The following MALRD1 variants were observed in gnomAD, a reference collection of about 807,000 sequenced individuals.
MALRD1 encodes the protein MAM and LDL receptor class A domain containing 1, also known as MAM and LDL-receptor class A domain-containing protein 1.
MALRD1 carries 247 observed loss-of-function variants against 242.1 expected under a neutral mutation model. The observed-to-expected ratio is 1.02, with a 90% CI of 0.92 to 1.13. MALRD1 has a LOEUF of 1.13. Ranked by LOEUF, MALRD1 falls within the 50% of genes most tolerant of loss-of-function variation. The pLI is 0.00. For missense variants in MALRD1, 2,989 were observed against 2,533.1 expected, an observed-to-expected ratio of 1.18 and a Z score of -3.86; for synonymous variants, 995 against 866.6, an observed-to-expected ratio of 1.15 and a Z score of -2.60.
intron 36 of MALRD1, among the ~76,000 whole-genome samples, chr10:19,632,773 A>G (rs1193195506): frequency 1.3e-5 from 2 of 152,192 alleles, no homozygotes; most frequent in South Asian, 2.1e-4. Context: ...ATTTTTACAT[A>G]TGTCTCATTT....
chr10:19,337,934 C>T (rs1009091328), intron 24 of MALRD1, among the ~76,000 whole-genome samples: 7 of 151,760 alleles, frequency 4.6e-5, no homozygotes, highest in African/African-American at 1.7e-4. Flanking sequence ...TGGTGACACA[C>T]ACTTGTAGTC....
chr10:19,448,869 T>C (rs1196816986), intron 28 of MALRD1, among the ~76,000 whole-genome samples: 1 of 152,014 alleles, frequency 6.6e-6, no homozygotes, highest in African/African-American at 2.4e-5. Context: ...GTTGTTAAAA[T>C]TATCACTTTT....
At chr10:19,638,130 A>G (rs975477059) in intron 36 of MALRD1, among the ~76,000 whole-genome samples, 4 of 142,626 alleles carry the variant, frequency 2.8e-5, no homozygotes, top group African/African-American at 1.1e-4. Flanking sequence ...AAAAAAAAAT[A>G]GAATTCGGTA....
At chr10:19,492,646 G>A (rs1235015204) in intron 30 of MALRD1, among the ~76,000 whole-genome samples, 1 of 152,202 alleles carries the variant, frequency 6.6e-6, no homozygotes, top group Non-Finnish European at 1.5e-5. Flanking sequence ...CTACTAGAAA[G>A]TGTCCCCCGA....
intron 29 of MALRD1, among the ~76,000 whole-genome samples, chr10:19,465,750 T>A (rs1175840517): frequency 1.3e-5 from 2 of 152,156 alleles, no homozygotes; most frequent in African/African-American, 2.4e-5. Context: ...CCCATGCTAG[T>A]CTCAAACTCC....
intron 29 of MALRD1, among the ~76,000 whole-genome samples, chr10:19,477,361 A>G (rs2131162903): frequency 6.6e-6 from 1 of 152,330 alleles, no homozygotes; most frequent in Non-Finnish European, 1.5e-5. Context: ...GAATGATATC[A>G]TTCAAAGTTA....
At chr10:19,276,631 A>G (rs962562282) in intron 19 of MALRD1, among the ~76,000 whole-genome samples, 8 of 152,160 alleles carry the variant, frequency 5.3e-5, no homozygotes, top group Non-Finnish European at 1.0e-4. Context: ...CAAAGTCATC[A>G]GCATTCAAAA....
chr10:19,535,762 G>A (rs1183366557), intron 32 of MALRD1, among the ~76,000 whole-genome samples: 1 of 151,900 alleles, frequency 6.6e-6, no homozygotes, highest in African/African-American at 2.4e-5. Flanking sequence ...TTTCTAAAGG[G>A]TCCTCATATT....
At chr10:19,273,720 T>C (rs960359020) in intron 19 of MALRD1, among the ~76,000 whole-genome samples, 1 of 152,266 alleles carries the variant, frequency 6.6e-6, no homozygotes, top group Non-Finnish European at 1.5e-5. Flanking sequence ...TGCCATTGTT[T>C]AGGGGAGAGG....
At chr10:19,237,386 G>C (rs945257340) in intron 18 of MALRD1, among the ~76,000 whole-genome samples, 2 of 149,114 alleles carry the variant, frequency 1.3e-5, no homozygotes, top group Non-Finnish European at 3.0e-5. Context: ...GAGATCATGC[G>C]GTATTTGCTT....
chr10:19,568,567 G>A (rs543305345), intron 33 of MALRD1, among the ~76,000 whole-genome samples: 1 of 152,028 alleles, frequency 6.6e-6, no homozygotes, highest in South Asian at 2.1e-4. Flanking sequence ...CACTCCCATG[G>A]TTAACATTCA....
chr10:19,505,684 G>C (rs1304344067), intron 31 of MALRD1, among the ~76,000 whole-genome samples: 1 of 152,196 alleles, frequency 6.6e-6, no homozygotes, highest in Non-Finnish European at 1.5e-5. Flanking sequence ...AGACCACTTG[G>C]AGGAATAGGG....
In MALRD1 at chr10:19,249,682, G is replaced by T. The variant is rs185163519; in HGVS notation, c.2992-8002G>T. On this transcript the variant is annotated intron_variant, in intron 18 of 39. Coordinates refer to ENST00000454679, the MANE Select transcript of MALRD1 (RefSeq NM_001142308.3). The stretch of plus-strand genomic sequence containing the variant: ...TATGATTCTAAACAATAAGAAGTTT[G>T]TAAAAATAAAAAGAAAATAGCCTTA... Among the ~76,000 whole-genome samples, 18 of 152,018 alleles carry T rather than the reference G, an allele frequency of 1.2e-4. 1 individual carries two copies. Among genetic ancestry groups the T allele is most frequent in the African/African-American group, 3.6e-4 (15 of 41,526 alleles).
At position 19,076,644 on chromosome 10, in the gene MALRD1, C is replaced by G. The variant is rs142952469; in HGVS notation, c.340+9785C>G. ...AATGCGATTGCATTGATCTTTCTGC[C>G]TGTGCTTATGACAGTACCACACTAT... On this transcript the variant is annotated intron_variant, in intron 2 of 39. Coordinates refer to ENST00000454679, the MANE Select transcript of MALRD1 (RefSeq NM_001142308.3). 6.8e-4 allele frequency among the ~76,000 whole-genome samples: 103 copies of G among 152,060 alleles called. 1 individual carries two copies. Among genetic ancestry groups the G allele is most frequent in the African/African-American group, 2.5e-3 (102 of 41,532 alleles).
chr10:19,160,410 G>A (rs1186948088), intron 12 of MALRD1, among the ~76,000 whole-genome samples: 1 of 106,570 alleles, frequency 9.4e-6, no homozygotes, highest in Non-Finnish European at 1.9e-5. Flanking sequence ...CAAGGATATT[G>A]GTCTAAAATT....
intron 25 of MALRD1, among the ~76,000 whole-genome samples, chr10:19,350,257 T>A (rs1844314408): frequency 8.7e-6 from 1 of 114,868 alleles, no homozygotes; most frequent in Admixed American, 9.5e-5. Flanking sequence ...ACCTTAATGA[T>A]TTTTTCTTTT....
rs181570483 is a variant in MALRD1 at position 19,224,512 on chromosome 10, C to G, written c.2991+14832C>G. On this transcript the variant is annotated intron_variant, in intron 18 of 39. Coordinates refer to ENST00000454679, the MANE Select transcript of MALRD1 (RefSeq NM_001142308.3). ...TTCACCATATTGGCCAGGCAAGTCT[C>G]AAACTCCTGACCTTGTGATCCACTC... 2.0e-5 allele frequency among the ~76,000 whole-genome samples: 3 copies of G among 152,234 alleles called. No homozygotes were observed. The East Asian group carries it at 5.8e-4, about 30-fold the overall frequency.
intron 26 of MALRD1, among the ~76,000 whole-genome samples, chr10:19,360,357 C>A (rs535969281): frequency 3.9e-4 from 60 of 152,094 alleles, no homozygotes; most frequent in African/African-American, 1.4e-3. Context: ...ATCTTCTGTT[C>A]GTGGATCTAA....
chr10:19,167,983 A>G (rs1249869823), intron 13 of MALRD1, among the ~76,000 whole-genome samples: 1 of 152,206 alleles, frequency 6.6e-6, no homozygotes, highest in Non-Finnish European at 1.5e-5. Context: ...AATCTGGCAC[A>G]AACACAGAAT....
Sources: gnomAD v4.1 joint callset for allele counts (sites outside exome capture counted in the v4.1 genomes callset) on GRCh38, gnomAD v4.1.1 for gene constraint, MANE v1.5 for transcripts, NCBI Gene and HGNC (gene_info 2026-07-23, HGNC 2026-07-21) for gene names.